DNAH9: variants seen among roughly 807,000 people sequenced by gnomAD.
DNAH9 encodes the protein DNAH9 variant protein.
Under a neutral mutation model 471.6 loss-of-function variants are expected in DNAH9, and 345 were observed. The ratio of observed to expected loss-of-function variants is 0.73; its 90% CI spans 0.67 to 0.80. DNAH9 has a LOEUF of 0.80. Among genes scored for constraint, DNAH9 ranks in the 30% least tolerant of loss-of-function variants. DNAH9 has a pLI of 0.00. For missense variants in DNAH9, 5,407 were observed against 5,609.2 expected, an observed-to-expected ratio of 0.96 and a Z score of 1.15; for synonymous variants, 2,093 against 2,123.6, an observed-to-expected ratio of 0.99 and a Z score of 0.40.
chr17:11,908,043 C>T (rs1973665712), intron 61 of DNAH9, among the ~76,000 whole-genome samples: 1 of 152,178 alleles, frequency 6.6e-6, no homozygotes, highest in South Asian at 2.1e-4. Flanking sequence ...TGAAGCATCA[C>T]AGGGCCAAAT....
At chr17:11,762,133 TA>T (rs1967703531) in intron 35 of DNAH9, among the ~76,000 whole-genome samples, 1 of 152,234 alleles carries the variant, frequency 6.6e-6, no homozygotes, top group African/African-American at 2.4e-5. Context: ...TACTAGACTC[TA>T]AAACTGTCAT....
At chr17:11,825,664 A>C (rs1478804097) in intron 48 of DNAH9, among the ~76,000 whole-genome samples, 1 of 152,212 alleles carries the variant, frequency 6.6e-6, no homozygotes, top group African/African-American at 2.4e-5. Flanking sequence ...GCCAGGAGCC[A>C]GCACAGGTTC....
At chr17:11,601,405 C>A (rs2072385168) in intron 1 of DNAH9, among the ~76,000 whole-genome samples, 1 of 152,042 alleles carries the variant, frequency 6.6e-6, no homozygotes, top group African/African-American at 2.4e-5. Context: ...CATTCTTTAA[C>A]AGTAATCCAC....
chr17:11,608,720 G>C (rs1025694745), intron 2 of DNAH9, among the ~76,000 whole-genome samples: 2 of 152,320 alleles, frequency 1.3e-5, no homozygotes, highest in South Asian at 4.1e-4. Context: ...TAATGTCACA[G>C]AACTATCGCT....
At chr17:11,709,252 CTAAAA>C (rs1277979836) in intron 26 of DNAH9, among the ~76,000 whole-genome samples, 1 of 152,152 alleles carries the variant, frequency 6.6e-6, no homozygotes, top group Non-Finnish European at 1.5e-5. Flanking sequence ...GGAAGGTTAG[CTAAAA>C]TAATGGTGAA....
At chr17:11,653,093 G>A (rs2150704227) in intron 14 of DNAH9, 91 bp downstream of exon 14, 2 of 1,330,684 alleles carry the variant, frequency 1.5e-6, no homozygotes, top group Non-Finnish European at 2.1e-6. Flanking sequence ...AGGACAGTCA[G>A]TAAGTGCAGT....
intron 61 of DNAH9, among the ~76,000 whole-genome samples, chr17:11,919,494 C>CAAA (rs140861717): frequency 2.8e-5 from 3 of 107,456 alleles, no homozygotes; most frequent in African/African-American, 3.7e-5. Flanking sequence ...GACTCCGTCT[C>CAAA]AAAAAAAAAA....
intron 60 of DNAH9, 38 bp downstream of exon 60, chr17:11,902,950 G>C (rs779130823): frequency 8.2e-6 from 13 of 1,586,908 alleles, no homozygotes; most frequent in Non-Finnish European, 1.0e-5. Context: ...GCATAGGCAT[G>C]GGGCAAGGGC....
intron 4 of DNAH9, among the ~76,000 whole-genome samples, chr17:11,614,074 T>C (rs1301960305): frequency 1.3e-5 from 2 of 152,200 alleles, no homozygotes; most frequent in Non-Finnish European, 2.9e-5. Flanking sequence ...AGAGAAATTC[T>C]TTAAATATGA....
At chr17:11,782,816 G>T (rs1018746204) in intron 39 of DNAH9, among the ~76,000 whole-genome samples, 3 of 152,178 alleles carry the variant, frequency 2.0e-5, no homozygotes, top group Non-Finnish European at 4.4e-5. Context: ...AGAATGGCTT[G>T]AACCCAGAAG....
intron 38 of DNAH9, among the ~76,000 whole-genome samples, chr17:11,777,159 G>T (rs1055778490): frequency 6.6e-6 from 1 of 152,170 alleles, no homozygotes; most frequent in Non-Finnish European, 1.5e-5. Context: ...AGATGGCTCT[G>T]TACCAGTAAC....
intron 67 of DNAH9, among the ~76,000 whole-genome samples, chr17:11,943,100 T>G (rs1974995684): frequency 6.6e-6 from 1 of 151,744 alleles, no homozygotes; most frequent in African/African-American, 2.4e-5. Flanking sequence ...TTCACCGTGT[T>G]AGCCAGGATG....
At position 11,669,517 on chromosome 17, in the gene DNAH9, G is replaced by C; in HGVS notation, c.3076G>C (p.Gly1026Arg). 5 of 1,614,128 alleles carry C rather than the reference G, an allele frequency of 3.1e-6. No individual in the cohort carries two copies. Among genetic ancestry groups the C allele is most frequent in the Non-Finnish European group, 4.2e-6 (5 of 1,180,022 alleles). Residue 1026 changes from glycine to arginine, a missense_variant, in exon 17 of 69, where the codon GGT becomes CGT. Around this residue, in one of 3 missense-constraint regions of DNAH9, gnomAD observed 4,636 missense variants for 4,900.3 expected, o/e 0.95. Coordinates refer to ENST00000262442, the MANE Select transcript of DNAH9 (RefSeq NM_001372.4). ...LYVEDRKEVL[G>R]QFLLYGHILT... is the part of the protein sequence containing the mutation. ...TGTGGAGGACCGGAAGGAGGTTCTG[G>C]GTCAGTTTCTGCTGTACGGGCACAT... is the stretch of plus-strand genomic sequence containing the variant.
chr17:11,924,035 A>C, intron 62 of DNAH9, 94 bp downstream of exon 62: 3 of 1,515,910 alleles, frequency 2.0e-6, no homozygotes, highest in Non-Finnish European at 1.8e-6. Context: ...GCTTCTCCCC[A>C]TCTGTCCTTT....
Position 11,942,418 on chromosome 17 carries a change from G to T in DNAH9, c.12776G>T (p.Cys4259Phe), listed in dbSNP as rs1308441794. Residue 4259 changes from cysteine (C) to phenylalanine (F), a missense_variant, in exon 67 of 69, where the codon TGT becomes TTT. Around this residue, in one of 3 missense-constraint regions of DNAH9, gnomAD observed 4,636 missense variants for 4,900.3 expected, o/e 0.95. Coordinates refer to ENST00000262442, the MANE Select transcript of DNAH9 (RefSeq NM_001372.4). ...TACATTGTAGTTGCCTTCCAGGAGTGTGGCCGGATGAATATCCTCACCAGA... is the reference window on the plus strand; with the variant it reads ...TACATTGTAGTTGCCTTCCAGGAGTTTGGCCGGATGAATATCCTCACCAGA... ...TPYIVVAFQE[C>F]GRMNILTREI... The T allele has an allele frequency of 6.2e-7, 1 of 1,614,200 alleles. No individual in the cohort carries two copies. The highest frequency in any genetic ancestry group is 1.1e-5 in the South Asian group (1 of 91,086).
chr17:11,627,766 A>G (rs950478183), intron 6 of DNAH9, among the ~76,000 whole-genome samples: 1 of 152,034 alleles, frequency 6.6e-6, no homozygotes, highest in African/African-American at 2.4e-5. Flanking sequence ...GCCATGCCCA[A>G]ACATACATAG....
At chr17:11,898,400 C>T (rs992440902) in intron 59 of DNAH9, among the ~76,000 whole-genome samples, 18 of 152,188 alleles carry the variant, frequency 1.2e-4, no homozygotes, top group Non-Finnish European at 2.1e-4. Flanking sequence ...GGATTACAGG[C>T]GTGAGCCGCC....
At chr17:11,966,215 A>G (rs1386467190) in intron 68 of DNAH9, among the ~76,000 whole-genome samples, 7 of 152,248 alleles carry the variant, frequency 4.6e-5, no homozygotes, top group Non-Finnish European at 1.0e-4. Flanking sequence ...GAAAGCAACA[A>G]AAGTGGCTCA....
rs575293701 is a variant in DNAH9, at chr17:11,675,735, T to G, written c.3354-4022T>G. On this transcript the variant is annotated intron_variant, in intron 17 of 68. Coordinates refer to ENST00000262442, the MANE Select transcript of DNAH9 (RefSeq NM_001372.4). ...CAAGATGTTAAAGTGGTGAACATAT[T>G]ATTTGGCTTCTAATGTTAAAACAAC... 5.9e-5 allele frequency among the ~76,000 whole-genome samples: 9 copies of G among 152,318 alleles called. No homozygotes were observed. The East Asian group carries it at 1.7e-3, about 29-fold the overall frequency.
Sources: gnomAD v4.1 joint callset for allele counts (sites outside exome capture counted in the v4.1 genomes callset) on GRCh38, gnomAD v4.1.1 for gene constraint, gnomAD v4.1.1 regional missense constraint, MANE v1.5 for transcripts, NCBI Gene and HGNC (gene_info 2026-07-23, HGNC 2026-07-21) for gene names.